The following LHFPL6 variants were observed in gnomAD, a reference collection of about 807,000 sequenced individuals.
LHFPL6 encodes LHFPL tetraspan subfamily member 6 protein.
LHFPL6 carries 9 observed loss-of-function variants against 20.6 expected under a neutral mutation model. The ratio of observed to expected loss-of-function variants is 0.44; its 90% CI spans 0.26 to 0.76. The LOEUF (loss-of-function observed/expected upper bound fraction) is 0.76, where lower values mean the gene tolerates loss of function less well. Among genes scored for constraint, LHFPL6 ranks in the 30% least tolerant of loss-of-function variants. LHFPL6 has a pLI of 0.20. For missense variants in LHFPL6, 218 were observed against 253.5 expected (o/e 0.86, Z 0.95); for synonymous variants, 105 against 98.7 (o/e 1.06, Z -0.38).
chr13:39,580,511 G>A (rs553193324), intron 2 of LHFPL6, among the ~76,000 whole-genome samples: 20 of 152,196 alleles, frequency 1.3e-4, no homozygotes, highest in African/African-American at 4.8e-4. Flanking sequence ...TAGAACCAAA[G>A]TCCTTTCTTT....
chr13:39,412,792 G>A (rs1028645458), intron 2 of LHFPL6, among the ~76,000 whole-genome samples: 1 of 151,932 alleles, frequency 6.6e-6, no homozygotes, highest in Non-Finnish European at 1.5e-5. Flanking sequence ...GTGTGGTGGC[G>A]GGCTCCTGTA....
chr13:39,369,592 T>TTCCTTCCTTCCCTCCC (rs1870106706), intron 3 of LHFPL6, among the ~76,000 whole-genome samples: 2 of 147,708 alleles, frequency 1.4e-5, no homozygotes, highest in Admixed American at 6.8e-5. Flanking sequence ...CCTTCCTTCC[T>TTCCTTCCTTCCCTCCC]TCCTTCCTCC....
intron 2 of LHFPL6, among the ~76,000 whole-genome samples, chr13:39,558,705 T>C (rs976172578): frequency 6.6e-6 from 1 of 152,168 alleles, no homozygotes; most frequent in African/African-American, 2.4e-5. Context: ...TGACAATGAC[T>C]TTGGGAAGCA....
Position 39,479,118 on chromosome 13 carries a change from CATCTATCTATCT to C in LHFPL6, c.386-100604_386-100593del, listed in dbSNP as rs71077302. Among the ~76,000 whole-genome samples the C allele has an allele frequency of 3.5e-4, 42 of 121,566 alleles. 1 individual carries two copies. Among genetic ancestry groups the C allele is most frequent in the Non-Finnish European group, 2.8e-4 (15 of 52,828 alleles). 79.8% of individuals were successfully genotyped at this position (121,566 alleles called of 152,430 possible). ...GTTGATCTCTACCTATCTATCCATC[CATCTATCTATCT>C]ATCTATCTATCTATCTATCTATCTA... On this transcript the variant is annotated intron_variant, in intron 2 of 3. Coordinates refer to ENST00000379589, the MANE Select transcript of LHFPL6 (RefSeq NM_005780.3).
At chr13:39,459,716 C>T (rs1287770109) in intron 2 of LHFPL6, among the ~76,000 whole-genome samples, 1 of 152,166 alleles carries the variant, frequency 6.6e-6, no homozygotes, top group Non-Finnish European at 1.5e-5. Context: ...AATTTTAAAA[C>T]TCAGCCTGAC....
chr13:39,433,444 C>T (rs1249750629), intron 2 of LHFPL6, among the ~76,000 whole-genome samples: 1 of 152,136 alleles, frequency 6.6e-6, no homozygotes, highest in African/African-American at 2.4e-5. Flanking sequence ...GCATGTAACA[C>T]ACATAATCCT....
chr13:39,403,197 G>A (rs1230657717), intron 2 of LHFPL6, among the ~76,000 whole-genome samples: 1 of 152,148 alleles, frequency 6.6e-6, no homozygotes, highest in Admixed American at 6.5e-5. Context: ...TTTGTCAAGT[G>A]GCAATTCAAG....
At chr13:39,582,215 C>T (rs1404925140) in intron 2 of LHFPL6, among the ~76,000 whole-genome samples, 2 of 152,212 alleles carry the variant, frequency 1.3e-5, no homozygotes, top group African/African-American at 4.8e-5. Flanking sequence ...GCTACTGATG[C>T]ATAATCTCAC....
intron 2 of LHFPL6, among the ~76,000 whole-genome samples, chr13:39,578,139 C>G (rs1872173786): frequency 6.6e-6 from 1 of 152,138 alleles, no homozygotes; most frequent in Non-Finnish European, 1.5e-5. Flanking sequence ...TGTCTCAACC[C>G]ATATCACTGG....
intron 2 of LHFPL6, among the ~76,000 whole-genome samples, chr13:39,479,117 C>G (rs1868413402): frequency 7.5e-6 from 1 of 133,246 alleles, no homozygotes; most frequent in Admixed American, 8.3e-5. Context: ...ATCTATCCAT[C>G]CATCTATCTA....
intron 3 of LHFPL6, among the ~76,000 whole-genome samples, chr13:39,356,669 T>C (rs776405286): frequency 6.6e-6 from 1 of 152,108 alleles, no homozygotes; most frequent in Non-Finnish European, 1.5e-5. Flanking sequence ...ACAATCAGAA[T>C]TGACAAAGAT....
At chr13:39,600,383 A>T (rs994660700) in intron 2 of LHFPL6, among the ~76,000 whole-genome samples, 1 of 152,254 alleles carries the variant, frequency 6.6e-6, no homozygotes, top group Non-Finnish European at 1.5e-5. Flanking sequence ...TTTTGCATCC[A>T]CCAAAGTGTA....
chr13:39,593,105 T>C (rs1274418642), intron 2 of LHFPL6, among the ~76,000 whole-genome samples: 1 of 152,172 alleles, frequency 6.6e-6, no homozygotes, highest in Non-Finnish European at 1.5e-5. Flanking sequence ...CAACATAGTG[T>C]TGGAAGTTCT....
rs148781024 is a variant in LHFPL6, at chr13:39,425,069, C to T, written c.386-46543G>A. 1.8e-3 allele frequency among the ~76,000 whole-genome samples: 267 copies of T among 152,200 alleles called. 1 individual carries two copies. The highest frequency in any genetic ancestry group is 5.8e-3 in the African/African-American group (239 of 41,520). Reference sequence around the variant, plus strand: ...TTTGTAACCCTCCCTTCCACCCCTGCCAGCACTTCTCCCTCCAATCCACAG... The same window carrying T: ...TTTGTAACCCTCCCTTCCACCCCTGTCAGCACTTCTCCCTCCAATCCACAG... On this transcript the variant is annotated intron_variant, in intron 2 of 3. Transcript: ENST00000379589.
At chr13:39,397,607 T>C (rs1870876463) in intron 2 of LHFPL6, among the ~76,000 whole-genome samples, 1 of 152,236 alleles carries the variant, frequency 6.6e-6, no homozygotes, top group African/African-American at 2.4e-5. Flanking sequence ...ATCTCAGGGT[T>C]TGGCTACTTG....
chr13:39,541,089 C>G (rs879295383), intron 2 of LHFPL6, among the ~76,000 whole-genome samples: 7 of 152,094 alleles, frequency 4.6e-5, no homozygotes, highest in African/African-American at 9.7e-5. Flanking sequence ...AGAAATGTAG[C>G]CAGTGTTTTG....
At chr13:39,362,179 G>A (rs1390633672) in intron 3 of LHFPL6, among the ~76,000 whole-genome samples, 2 of 152,242 alleles carry the variant, frequency 1.3e-5, no homozygotes. Flanking sequence ...CTGGTGGGAG[G>A]TGACTGGATC....
chr13:39,445,114 G>A (rs531508613), intron 2 of LHFPL6, among the ~76,000 whole-genome samples: 62 of 152,242 alleles, frequency 4.1e-4, no homozygotes, highest in Non-Finnish European at 7.6e-4. Flanking sequence ...GCCTTATTAC[G>A]ATGCAGCAAT....
intron 2 of LHFPL6, among the ~76,000 whole-genome samples, chr13:39,438,554 G>A (rs978657039): frequency 1.3e-5 from 2 of 152,238 alleles, no homozygotes; most frequent in African/African-American, 4.8e-5. Context: ...ATGAGATAAA[G>A]GCCTTGAAGG....
Sources: allele counts gnomAD v4.1 joint callset (sites outside exome capture counted in the v4.1 genomes callset), GRCh38; gene constraint gnomAD v4.1.1; transcripts MANE v1.5; gene names NCBI Gene and HGNC (gene_info 2026-07-23, HGNC 2026-07-21).